GRK4: variants seen among roughly 807,000 people sequenced by gnomAD.
GRK4 encodes the protein G protein-coupled receptor kinase 4.
In GRK4, 73 loss-of-function variants were observed where a neutral mutation model predicts 77.9. That is an observed-to-expected ratio of 0.94 (90% confidence interval 0.78 to 1.14). The LOEUF (loss-of-function observed/expected upper bound fraction) is 1.14, where lower values mean the gene tolerates loss of function less well. GRK4 is among the 50% of genes most tolerant of loss of function. The probability of loss-of-function intolerance (pLI) is 0.00; values close to 1 mark genes in which losing one functional copy is unlikely to be tolerated. For synonymous variants in GRK4, 257 were observed against 254.4 expected (o/e 1.01, Z -0.10); for missense variants, 729 against 700.2 (o/e 1.04, Z -0.46).
intron 5 of GRK4, among the ~76,000 whole-genome samples, chr4:3,004,821 G>A (rs1359460054): frequency 5.9e-5 from 9 of 152,132 alleles, no homozygotes; most frequent in South Asian, 2.1e-4. Context: ...TGGCAGAGGC[G>A]GAAGAAAATA....
At chr4:2,974,944 TGCCCTCTA>T (rs1720667228) in intron 1 of GRK4, among the ~76,000 whole-genome samples, 1 of 152,226 alleles carries the variant, frequency 6.6e-6, no homozygotes, top group African/African-American at 2.4e-5. Flanking sequence ...GTGCCATGTC[TGCCCTCTA>T]GCCACCAAAT....
intron 1 of GRK4, among the ~76,000 whole-genome samples, chr4:2,979,999 A>G (rs944136171): frequency 3.9e-5 from 6 of 152,340 alleles, no homozygotes; most frequent in Admixed American, 3.9e-4. Context: ...GTTATTTTAG[A>G]CACTCCTCCT....
At chr4:3,013,649 G>C in intron 7 of GRK4, 39 bp from the exon 8 acceptor site, 1 of 1,579,538 alleles carries the variant, frequency 6.3e-7, no homozygotes. Flanking sequence ...AGAAATGCCA[G>C]GTGGACATAA....
intron 1 of GRK4, among the ~76,000 whole-genome samples, chr4:2,972,664 G>A (rs1719927020): frequency 6.6e-6 from 1 of 152,140 alleles, no homozygotes; most frequent in Admixed American, 6.5e-5. Context: ...TATGTGGCGG[G>A]GGCGGAGGGG....
rs771213283 is a variant in GRK4, at chr4:3,029,417, A to C, written c.1269+8A>C. 3.7e-6 allele frequency: 6 copies of C among 1,608,456 alleles called. No homozygotes were observed. Among genetic ancestry groups the C allele is most frequent in the Non-Finnish European group, 5.1e-6 (6 of 1,175,092 alleles). On this transcript the variant is annotated splice_region_variant and intron_variant, in intron 12 of 15. Transcript: ENST00000398052. ...AAATCTATCTGCAGGATGGTAAGTCAGGCTCTGTAGAGGCTGGGAAATGGC... is the reference window on the plus strand; with the variant it reads ...AAATCTATCTGCAGGATGGTAAGTCCGGCTCTGTAGAGGCTGGGAAATGGC...
chr4:2,976,300 T>C (rs1211723715), intron 1 of GRK4, among the ~76,000 whole-genome samples: 1 of 151,778 alleles, frequency 6.6e-6, no homozygotes, highest in Non-Finnish European at 1.5e-5. Flanking sequence ...GGCGCAGTCA[T>C]GGCTCACTGC....
Position 3,029,252 on chromosome 4 carries a change from G to T in GRK4, c.1112G>T (p.Gly371Val). 2 of 1,614,178 alleles carry T rather than the reference G, an allele frequency of 1.2e-6. No homozygotes were observed. The highest frequency in any genetic ancestry group is 1.7e-6 in the Non-Finnish European group (2 of 1,180,014). Residue 371 changes from glycine to valine, a missense_variant, in exon 12 of 16, where the codon GGA (glycine) becomes GTA (valine). By Grantham distance (109) the Gly-to-Val change is moderately radical. Coordinates refer to ENST00000398052, the MANE Select transcript of GRK4 (RefSeq NM_182982.3). Reference sequence around the variant, plus strand: ...TATACGTTTAGTCCCGATTGGTGGGGACTTGGCTGTCTGATCTATGAAATG... The same window carrying T: ...TATACGTTTAGTCCCGATTGGTGGGTACTTGGCTGTCTGATCTATGAAATG... ...EKYTFSPDWW[G>V]LGCLIYEMIQ...
intron 10 of GRK4, 147 bp downstream of exon 10, chr4:3,022,598 T>A (rs1296984422): frequency 2.8e-6 from 2 of 714,970 alleles, no homozygotes; most frequent in Non-Finnish European, 4.6e-6. Flanking sequence ...GTGTTCATTT[T>A]AAAAAGATGA....
intron 4 of GRK4, among the ~76,000 whole-genome samples, chr4:3,000,266 C>G (rs1231147673): frequency 6.6e-6 from 1 of 152,156 alleles, no homozygotes; most frequent in Non-Finnish European, 1.5e-5. Context: ...ATTAGAAACA[C>G]TGCTTTTCCT....
chr4:3,016,924 C>G (rs1578273991), intron 8 of GRK4, among the ~76,000 whole-genome samples: 1 of 152,178 alleles, frequency 6.6e-6, no homozygotes, highest in African/African-American at 2.4e-5. Context: ...CCCTGCTTAA[C>G]CTAGAGACAT....
At chr4:3,020,838 C>A (rs572255588) in intron 9 of GRK4, among the ~76,000 whole-genome samples, 2 of 152,044 alleles carry the variant, frequency 1.3e-5, no homozygotes, top group Non-Finnish European at 2.9e-5. Context: ...AGGATGCTTG[C>A]GTCTGTATTG....
chr4:2,999,358 G>A (rs1728882448), intron 4 of GRK4, among the ~76,000 whole-genome samples: 1 of 152,142 alleles, frequency 6.6e-6, no homozygotes, highest in Admixed American at 6.5e-5. Context: ...CCATTCCTGA[G>A]GGGCAGAGTC....
Position 3,003,879 on chromosome 4 carries a change from G to A in GRK4, c.340-352G>A, listed in dbSNP as rs185017777. 1.3e-3 allele frequency among the ~76,000 whole-genome samples: 198 copies of A among 152,218 alleles called. 1 individual carries two copies. The highest frequency in any genetic ancestry group is 1.2e-3 in the Non-Finnish European group (79 of 68,030). On this transcript the variant is annotated intron_variant, in intron 4 of 15. Coordinates refer to ENST00000398052, the MANE Select transcript of GRK4 (RefSeq NM_182982.3). ...AGCCTCCCAAGTAGCTACCTACCAC[G>A]CCTGGCTAATAGTTTTGTATTTTTA...
intron 1 of GRK4, chr4:2,966,203 GGA>G (rs1472884517): frequency 1.2e-4 from 19 of 152,404 alleles, no homozygotes; most frequent in African/African-American, 4.3e-4. Context: ...CACAAGGTCA[GGA>G]GATTGAGACC....
rs575521292 is a variant in GRK4 at position 2,975,173 on chromosome 4, C to T, written c.53-9340C>T. 7.9e-5 allele frequency among the ~76,000 whole-genome samples: 12 copies of T among 152,184 alleles called. No homozygotes were observed. In the South Asian group the frequency reaches 1.5e-3, roughly 18 times the overall value. ...CAAAAATTAGCTGGGCGTGGTTGCG[C>T]GCACCTGTAGTCCCAGCTACTTGGG... is the stretch of plus-strand genomic sequence containing the variant. On this transcript the variant is annotated intron_variant, in intron 1 of 15. Transcript: ENST00000398052.
intron 10 of GRK4, among the ~76,000 whole-genome samples, chr4:3,023,473 C>G (rs1015372187): frequency 6.6e-6 from 1 of 152,154 alleles, no homozygotes; most frequent in East Asian, 1.9e-4. Flanking sequence ...TGAGGGCAGT[C>G]GTGGGGGACT....
rs1182303489 is a variant in GRK4, at chr4:3,014,349, C to T, written c.741+521C>T. ...TTTCGCTCTGTTGTCCAGGCTGGAGCGCAATGGCACGATCTTGGGTCACTG... is the reference window on the plus strand; with the variant it reads ...TTTCGCTCTGTTGTCCAGGCTGGAGTGCAATGGCACGATCTTGGGTCACTG... On this transcript the variant is annotated intron_variant, in intron 8 of 15. Coordinates refer to ENST00000398052, the MANE Select transcript of GRK4 (RefSeq NM_182982.3). Among the ~76,000 whole-genome samples the T allele has an allele frequency of 2.7e-5, 4 of 146,902 alleles. No homozygotes were observed. The South Asian group carries it at 8.7e-4, about 32-fold the overall frequency.
chr4:3,035,072 C>T (rs111875003), intron 12 of GRK4, among the ~76,000 whole-genome samples: 34 of 151,866 alleles, frequency 2.2e-4, no homozygotes, highest in East Asian at 9.7e-4. Flanking sequence ...GGTGAAACCC[C>T]GTCTCCACTA....
At chr4:3,037,240 C>T in intron 13 of GRK4, 134 bp from the exon 14 acceptor site, 1 of 864,968 alleles carries the variant, frequency 1.2e-6, no homozygotes, top group Non-Finnish European at 1.8e-6. Flanking sequence ...GTGAGAGGGG[C>T]CTGGCAAAAG....
Sources: gnomAD v4.1 joint callset for allele counts (sites outside exome capture counted in the v4.1 genomes callset) on GRCh38, gnomAD v4.1.1 for gene constraint, MANE v1.5 for transcripts, NCBI Gene and HGNC (gene_info 2026-07-23, HGNC 2026-07-21) for gene names.